The following DHCR24 variants were observed in gnomAD, a reference collection of about 807,000 sequenced individuals.
DHCR24 encodes delta(24)-sterol reductase.
DHCR24 carries 28 observed loss-of-function variants against 61.2 expected under a neutral mutation model. The observed-to-expected ratio is 0.46, with a 90% confidence interval of 0.34 to 0.63. The LOEUF (loss-of-function observed/expected upper bound fraction) is 0.63, where lower values mean the gene tolerates loss of function less well. DHCR24 is among the 20% of genes least tolerant of loss of function. The probability of loss-of-function intolerance (pLI) is 0.01; values close to 1 mark genes in which losing one functional copy is unlikely to be tolerated. For synonymous variants in DHCR24, 261 were observed against 275.9 expected, an observed-to-expected ratio of 0.95 and a Z score of 0.54; for missense variants, 538 against 679.1, an observed-to-expected ratio of 0.79 and a Z score of 2.31.
rs563175511 is a variant in DHCR24, at chr1:54,851,126, T to A, written c.*1107A>T. 1.3e-5 allele frequency: 2 copies of A among 152,618 alleles called. No homozygotes were observed. The highest frequency in any genetic ancestry group is 6.5e-5 in the Admixed American group (1 of 15,286). The allele number at this position is 152,618 out of a possible 1,614,324, so 9.5% of individuals were successfully genotyped here. A position where few individuals can be genotyped will look rare whatever the true frequency, so the allele number is the denominator to read the frequency against. On this transcript the variant is annotated 3_prime_UTR_variant, in exon 9 of 9. Coordinates refer to ENST00000371269, the MANE Select transcript of DHCR24 (RefSeq NM_014762.4). ...ATGGAACTTTCTCTGAGCTTAGGAT[T>A]TGTAAGGCACTGAAATTAACTACAG... is the stretch of plus-strand genomic sequence containing the variant.
In DHCR24 at chr1:54,886,991, C is replaced by G. The variant is rs376403443; in HGVS notation, c.129G>C (p.Ser43=). The G allele has an allele frequency of 1.7e-5, 28 of 1,613,724 alleles. No individual in the cohort carries two copies. The African/African-American group carries it at 3.7e-4, about 22-fold the overall frequency. The part of the protein sequence containing the change: ...VFVCLFLLPL[S]LIFDIYYYVR... ...CGTAGTAGTAGATATCGAAGATAAG[C>G]GAGAGCGGCAGGAGGAAGAGGCACA... is the stretch of plus-strand genomic sequence containing the variant. Residue 43 remains serine (S), a synonymous_variant, in exon 1 of 9, where the codon TCG becomes TCC. Coordinates refer to ENST00000371269, the MANE Select transcript of DHCR24 (RefSeq NM_014762.4).
At chr1:54,872,233 A>C (rs1025178741) in intron 4 of DHCR24, among the ~76,000 whole-genome samples, 1 of 152,086 alleles carries the variant, frequency 6.6e-6, no homozygotes, top group Non-Finnish European at 1.5e-5. Context: ...AAGACCACCT[A>C]ACTCCCCGGC....
Position 54,854,262 on chromosome 1 carries a change from G to A in DHCR24, c.1021-28C>T. On this transcript the variant is annotated intron_variant, in intron 6 of 8. Coordinates refer to ENST00000371269, the MANE Select transcript of DHCR24 (RefSeq NM_014762.4). ...GGAAAACAAAGATTAGGGTTGGAGA[G>A]AAAAAAACCAACAAGGGTTGAATGT... The A allele has an allele frequency of 2.5e-6, 4 of 1,593,578 alleles. No homozygotes were observed. The Admixed American group carries it at 6.8e-5, about 27-fold the overall frequency.
At position 54,883,707 on chromosome 1, in the gene DHCR24, C is replaced by G; in HGVS notation, c.298G>C (p.Val100Leu). The stretch of plus-strand genomic sequence containing the variant: ...TTGTACTTCCCGACACGTAGTGAGA[C>G]AGTGAGCCAGCCAGGGCGCCCCGTG... ...MCTGRPGWLT[V>L]SLRVGKYKKT... The change falls in exon 2 of 9, where the codon GTC (valine) becomes CTC (leucine). Residue 100 changes from valine (V) to leucine (L), a missense_variant. Val to Leu is a conservative substitution (Grantham distance 32). Transcript: ENST00000371269. This position sits in a 1 kb window ranked among gnomAD's most constrained non-coding sequence, Gnocchi z 4.3. 6.2e-7 allele frequency: 1 copy of G among 1,614,238 alleles called. No individual in the cohort carries two copies. Among genetic ancestry groups the G allele is most frequent in the Non-Finnish European group, 8.5e-7 (1 of 1,180,052 alleles).
chr1:54,853,691 C>T, intron 7 of DHCR24, 79 bp from the exon 8 acceptor site: 1 of 1,477,788 alleles, frequency 6.8e-7, no homozygotes, highest in Non-Finnish European at 9.2e-7. Flanking sequence ...CTCATACCCA[C>T]CCAAATGAAG....
chr1:54,884,559 G>A (rs529178964), intron 1 of DHCR24, among the ~76,000 whole-genome samples: 94 of 152,270 alleles, frequency 6.2e-4, no homozygotes, highest in Non-Finnish European at 1.1e-3. Flanking sequence ...AGGAGGAAGT[G>A]TTTCTTTTCT....
chr1:54,858,688 A>T (rs1034745209), intron 6 of DHCR24, among the ~76,000 whole-genome samples: 3 of 152,108 alleles, frequency 2.0e-5, no homozygotes, highest in Non-Finnish European at 4.4e-5. Context: ...CCCAGGCTGG[A>T]GAGCAATGGC....
chr1:54,882,726 G>A (rs1289920633), intron 2 of DHCR24, among the ~76,000 whole-genome samples: 1 of 152,204 alleles, frequency 6.6e-6, no homozygotes, highest in Non-Finnish European at 1.5e-5. Flanking sequence ...AAGATGTTGA[G>A]TGAAAGAGGC....
chr1:54,875,778 G>A (rs771588849), intron 3 of DHCR24, among the ~76,000 whole-genome samples, 164 bp downstream of exon 3: 93 of 152,308 alleles, frequency 6.1e-4, no homozygotes, highest in Non-Finnish European at 8.4e-4. Flanking sequence ...GGAACAGCAG[G>A]CAGTGAACAC....
At chr1:54,884,242 C>T (rs1647080486) in intron 1 of DHCR24, among the ~76,000 whole-genome samples, 1 of 152,152 alleles carries the variant, frequency 6.6e-6, no homozygotes, top group South Asian at 2.1e-4. Flanking sequence ...CAAAGTCACA[C>T]AATTGGTAAA....
intron 4 of DHCR24, among the ~76,000 whole-genome samples, chr1:54,874,483 TAGTAGGCTATCCAAATAGCCTACGTGTGA>T (rs1647015744): frequency 6.6e-6 from 1 of 151,976 alleles, no homozygotes; most frequent in African/African-American, 2.4e-5. Flanking sequence ...AGTCAAGGAG[TAGTAGGCTATCCAAATAGCCTACGTGTGA>T]AGTAGGCTAT....
At chr1:54,853,221 G>C (rs960961068) in intron 8 of DHCR24, among the ~76,000 whole-genome samples, 7 of 152,066 alleles carry the variant, frequency 4.6e-5, no homozygotes, top group African/African-American at 1.7e-4. Flanking sequence ...AGGGGGTGCA[G>C]GGAGAAGAGG....
At chr1:54,860,844 C>T (rs1646933162) in intron 6 of DHCR24, among the ~76,000 whole-genome samples, 1 of 150,168 alleles carries the variant, frequency 6.7e-6, no homozygotes, top group African/African-American at 2.4e-5. Context: ...AAAAATTAGC[C>T]AGGTGCAGTG....
intron 6 of DHCR24, 150 bp downstream of exon 6, chr1:54,865,153 A>T: frequency 2.1e-6 from 2 of 938,742 alleles, no homozygotes; most frequent in East Asian, 2.7e-5. Context: ...GAAGGAAACG[A>T]CTGTGTTGCT....
intron 6 of DHCR24, among the ~76,000 whole-genome samples, chr1:54,862,287 G>A (rs1350984506): frequency 1.3e-5 from 2 of 152,164 alleles, no homozygotes; most frequent in Non-Finnish European, 2.9e-5. Flanking sequence ...CCTCAGGTTT[G>A]TTTTCACTGT....
At chr1:54,879,212 G>A (rs561259145) in intron 2 of DHCR24, among the ~76,000 whole-genome samples, 6 of 151,516 alleles carry the variant, frequency 4.0e-5, no homozygotes, top group Non-Finnish European at 7.4e-5. Flanking sequence ...CCAGCTACTC[G>A]GGAGGCTGTG....
Position 54,875,073 on chromosome 1 carries a change from T to C in DHCR24, c.612+20A>G. On this transcript the variant is annotated intron_variant, in intron 4 of 8. Transcript: ENST00000371269. Reference sequence around the variant, plus strand: ...TGCCCAGAGCAGGCTGGCATGGACATCTCCCATTGCTGAACTCACCGGAGT... The same window carrying C: ...TGCCCAGAGCAGGCTGGCATGGACACCTCCCATTGCTGAACTCACCGGAGT... The C allele has an allele frequency of 6.2e-7, 1 of 1,605,256 alleles. No homozygotes were observed. Among genetic ancestry groups the C allele is most frequent in the Non-Finnish European group, 8.5e-7 (1 of 1,172,020 alleles).
chr1:54,886,757 A>G, intron 1 of DHCR24, 132 bp downstream of exon 1: 1 of 1,445,566 alleles, frequency 6.9e-7, no homozygotes, highest in Non-Finnish European at 9.2e-7. Context: ...CCCCTCTCCA[A>G]CGCCAGCTCC....
chr1:54,873,304 A>C (rs1381988625), intron 4 of DHCR24, among the ~76,000 whole-genome samples: 1 of 152,194 alleles, frequency 6.6e-6, no homozygotes, highest in Non-Finnish European at 1.5e-5. Flanking sequence ...GGTGTAAGCA[A>C]ACCTACTGTA....
Sources: gnomAD v4.1 joint callset for allele counts (sites outside exome capture counted in the v4.1 genomes callset) on GRCh38, gnomAD v4.1.1 for gene constraint, Gnocchi (gnomAD v3.1) non-coding constraint, MANE v1.5 for transcripts, NCBI Gene and HGNC (gene_info 2026-07-23, HGNC 2026-07-21) for gene names.